SLC9A3: variants seen among roughly 807,000 people sequenced by gnomAD.
The protein encoded by SLC9A3 is solute carrier family 9 member A3.
Under a neutral mutation model 86.8 loss-of-function variants are expected in SLC9A3, and 37 were observed. The ratio of observed to expected loss-of-function variants is 0.43; its 90% CI spans 0.33 to 0.56. The LOEUF (loss-of-function observed/expected upper bound fraction) is 0.56. SLC9A3 is among the 20% of genes least tolerant of loss of function. The pLI is 0.06. For missense variants in SLC9A3, 1,011 were observed against 1,171.9 expected, an observed-to-expected ratio of 0.86 and a Z score of 2.00; for synonymous variants, 581 against 528.3, an observed-to-expected ratio of 1.10 and a Z score of -1.37.
intron 13 of SLC9A3, 43 bp from the exon 14 acceptor site, chr5:476,135 C>G (rs777608943): frequency 1.4e-4 from 228 of 1,611,950 alleles, no homozygotes; most frequent in Non-Finnish European, 1.8e-4. Flanking sequence ...GACACAGCCA[C>G]ACCCAGCCCT....
At chr5:500,463 CGGGCCGGTGTGGACAGG>C (rs1358816289) in intron 1 of SLC9A3, among the ~76,000 whole-genome samples, 4 of 151,652 alleles carry the variant, frequency 2.6e-5, no homozygotes, top group African/African-American at 4.8e-5. Context: ...AGAGGCCAGG[CGGGCCGGTGTGGACAGG>C]GGGCCGGTGT....
At position 482,159 on chromosome 5, in the gene SLC9A3, T is replaced by C. The variant is rs1213509981; in HGVS notation, c.1357-2A>G. The stretch of plus-strand genomic sequence containing the variant: ...CACCAGAGGCTTGATGGTCAGGCCC[T>C]GGAGGACAGGGTCTCGTGACCCTGG... On this transcript the variant is annotated splice_acceptor_variant, in intron 7 of 16. Transcript: ENST00000264938. LOFTEE classifies it high-confidence loss of function. 1 of 1,606,006 alleles carries C rather than the reference T, an allele frequency of 6.2e-7. No individual in the cohort carries two copies. The highest frequency in any genetic ancestry group is 8.5e-7 in the Non-Finnish European group (1 of 1,175,228).
chr5:524,261 C>T lies in SLC9A3; in HGVS notation c.62G>A (p.Gly21Glu). The change falls in exon 1 of 17, where the codon GGG (glycine) becomes GAG (glutamate). Residue 21 changes from glycine (G) to glutamate (E), a missense_variant. By Grantham distance (98) the Gly-to-Glu change is moderately conservative. Coordinates refer to ENST00000264938, the MANE Select transcript of SLC9A3 (RefSeq NM_004174.4). Reference sequence around the variant, plus strand: ...CTCGACGCCCCCGGCCCGCGCCAGCCCGCCCAGCGCCAGCGCCAGCAGCAG... The same window carrying T: ...CTCGACGCCCCCGGCCCGCGCCAGCTCGCCCAGCGCCAGCGCCAGCAGCAG... ...RGLLLALALG[G>E]LARAGGVEVE... The T allele has an allele frequency of 7.2e-7, 1 of 1,389,936 alleles. No individual in the cohort carries two copies. Among genetic ancestry groups the T allele is most frequent in the Non-Finnish European group, 9.4e-7 (1 of 1,069,468 alleles). 86.1% of individuals were successfully genotyped at this position (1,389,936 alleles called of 1,614,324 possible).
chr5:475,396 A>G lies in SLC9A3; in HGVS notation c.2251+165T>C, dbSNP rs1342966652. On this transcript the variant is annotated intron_variant, in intron 15 of 16. Transcript: ENST00000264938. ...ACGTCTCCCCGGACAGCAGCCTCCG[A>G]GTTGGTTGAGGGGGCACTCAGTGGG... is the stretch of plus-strand genomic sequence containing the variant. 6.4e-6 allele frequency: 4 copies of G among 620,210 alleles called. No individual in the cohort carries two copies. The East Asian group carries it at 8.2e-5, about 13-fold the overall frequency. The allele number at this position is 620,210 out of a possible 1,614,324, so 38.4% of individuals were successfully genotyped here.
rs1739144405 is a variant in SLC9A3 at position 481,223 on chromosome 5, T to C, written c.1517+342A>G. Among the ~76,000 whole-genome samples the C allele has an allele frequency of 2.0e-5, 3 of 152,250 alleles. 1 individual carries two copies. In the South Asian group the frequency reaches 6.2e-4, roughly 32 times the overall value. ...AATGTTGACTGATACTAACCCTGTT[T>C]ATGACGTGGAGGAAATAATCTATTT... is the stretch of plus-strand genomic sequence containing the variant. On this transcript the variant is annotated intron_variant, in intron 9 of 16. Coordinates refer to ENST00000264938, the MANE Select transcript of SLC9A3 (RefSeq NM_004174.4).
rs1230111211 is a variant in SLC9A3 at position 484,403 on chromosome 5, G to T, written c.932+117C>A. On this transcript the variant is annotated intron_variant, in intron 5 of 16. Transcript: ENST00000264938. ...GGCTCGCCCCGCCGGACCCAGGAGGGTGTGGAGAAGCTCGGGTTGGGGTCC... is the reference window on the plus strand; with the variant it reads ...GGCTCGCCCCGCCGGACCCAGGAGGTTGTGGAGAAGCTCGGGTTGGGGTCC... 9.9e-6 allele frequency: 6 copies of T among 604,136 alleles called. No individual in the cohort carries two copies. In the South Asian group the frequency reaches 1.1e-4, roughly 11 times the overall value. 37.4% of individuals were successfully genotyped at this position (604,136 alleles called of 1,614,324 possible).
chr5:523,824 G>T (rs1460649085), intron 1 of SLC9A3, among the ~76,000 whole-genome samples: 2 of 152,204 alleles, frequency 1.3e-5, no homozygotes, highest in Admixed American at 1.3e-4. Context: ...AGTCTGCGGG[G>T]CTCGGAGCGG....
intron 5 of SLC9A3, 152 bp from the exon 6 acceptor site, chr5:483,634 G>A (rs916743269): frequency 1.7e-5 from 11 of 653,230 alleles, no homozygotes; most frequent in South Asian, 5.3e-5. Flanking sequence ...AGGCTGGGCC[G>A]CCAGGGTTCC....
chr5:481,642 A>C lies in SLC9A3; in HGVS notation c.1447-7T>G. On this transcript the variant is annotated splice_region_variant and splice_polypyrimidine_tract_variant and intron_variant, in intron 8 of 16. Transcript: ENST00000264938. ...AGAGGATGTGGTCGAAAGCCTTTCA[A>C]GGGAAGAAAGACATGAGCGTCTCGG... is the stretch of plus-strand genomic sequence containing the variant. The C allele has an allele frequency of 6.2e-7, 1 of 1,613,152 alleles. No individual in the cohort carries two copies. Among genetic ancestry groups the C allele is most frequent in the South Asian group, 1.1e-5 (1 of 91,082 alleles).
chr5:483,582 A>G, intron 5 of SLC9A3, 100 bp from the exon 6 acceptor site: 1 of 853,756 alleles, frequency 1.2e-6, no homozygotes, highest in South Asian at 1.5e-5. Flanking sequence ...GTAGGCCCAG[A>G]GTCACAGTTG....
chr5:516,320 T>C (rs1229591521), intron 1 of SLC9A3, among the ~76,000 whole-genome samples: 1 of 152,046 alleles, frequency 6.6e-6, no homozygotes, highest in Non-Finnish European at 1.5e-5. Flanking sequence ...AATATTAAAC[T>C]GGAGAGAGCT....
chr5:510,294 GT>G (rs1314922995), intron 1 of SLC9A3, among the ~76,000 whole-genome samples: 1 of 152,196 alleles, frequency 6.6e-6, no homozygotes, highest in Non-Finnish European at 1.5e-5. Flanking sequence ...GCTCTAAGGT[GT>G]TCGTGTGGGA....
rs1738501965 is a variant in SLC9A3 at position 473,293 on chromosome 5, G to C, written c.*86C>G. Reference sequence around the variant, plus strand: ...GGTCGCTGTAGCCGCGCGGGGATCTGGGGTTTCTCTGGGACAGCGGCGGCG... The same window carrying C: ...GGTCGCTGTAGCCGCGCGGGGATCTCGGGTTTCTCTGGGACAGCGGCGGCG... On this transcript the variant is annotated 3_prime_UTR_variant, in exon 17 of 17. Coordinates refer to ENST00000264938, the MANE Select transcript of SLC9A3 (RefSeq NM_004174.4). The C allele has an allele frequency of 7.6e-7, 1 of 1,315,024 alleles. No individual in the cohort carries two copies. 81.5% of individuals were successfully genotyped at this position (1,315,024 alleles called of 1,614,324 possible).
chr5:507,152 T>C (rs946566865), intron 1 of SLC9A3, among the ~76,000 whole-genome samples: 4 of 143,718 alleles, frequency 2.8e-5, no homozygotes, highest in Non-Finnish European at 4.5e-5. Flanking sequence ...GAAGGAGGGA[T>C]CCGGCTGCTG....
intron 1 of SLC9A3, among the ~76,000 whole-genome samples, chr5:495,028 G>A (rs1048210877): frequency 6.6e-6 from 1 of 152,120 alleles, no homozygotes; most frequent in African/African-American, 2.4e-5. Context: ...GCCCCTCGGT[G>A]CCCGCCGGCA....
chr5:471,441 G>A lies in SLC9A3; in HGVS notation c.*1938C>T, dbSNP rs780245859. On this transcript the variant is annotated 3_prime_UTR_variant, in exon 17 of 17. Coordinates refer to ENST00000264938, the MANE Select transcript of SLC9A3 (RefSeq NM_004174.4). ...CCCAGGCACAGACAGGCACTTGGAA[G>A]GCAGCTTTGCTCCTCTGGCCACCCG... 1 of 324,158 alleles carries A rather than the reference G, an allele frequency of 3.1e-6. No homozygotes were observed. The highest frequency in any genetic ancestry group is 6.1e-6 in the Non-Finnish European group (1 of 165,260). 20.1% of individuals were successfully genotyped at this position (324,158 alleles called of 1,614,324 possible). A position where few individuals can be genotyped will look rare whatever the true frequency, so the allele number is the denominator to read the frequency against.
At chr5:492,854 G>GCCCC (rs1240639179) in intron 1 of SLC9A3, among the ~76,000 whole-genome samples, 19 of 152,098 alleles carry the variant, frequency 1.2e-4, no homozygotes, top group Admixed American at 9.2e-4. Flanking sequence ...GGAGGCTGTG[G>GCCCC]CCCCCTCTCC....
intron 1 of SLC9A3, among the ~76,000 whole-genome samples, chr5:517,287 A>T (rs1035330560): frequency 1.3e-5 from 2 of 150,022 alleles, no homozygotes; most frequent in African/African-American, 4.9e-5. Flanking sequence ...TCACTCATCC[A>T]CCTATCCACT....
At position 475,051 on chromosome 5, in the gene SLC9A3, C is replaced by G. The variant is rs775354904; in HGVS notation, c.2333G>C (p.Gly778Ala). The change falls in exon 16 of 17, where the codon GGG (glycine) becomes GCG (alanine). Residue 778 changes from glycine (G) to alanine (A), a missense_variant. Gly to Ala is a moderately conservative substitution (Grantham distance 60). Around this residue, in one of 3 missense-constraint regions of SLC9A3, gnomAD observed 397 missense variants for 346.3 expected, o/e 1.15. Transcript: ENST00000264938. ...LARLPPWLSP[G>A]ETVVPSQRAR... is the part of the protein sequence containing the mutation. The stretch of plus-strand genomic sequence containing the variant: ...CCTCTGCGAGGGGACCACCGTCTCC[C>G]CGGGAGACAGCCAGGGCGGCAGCCT... The G allele has an allele frequency of 1.3e-5, 21 of 1,612,136 alleles. No homozygotes were observed. Among genetic ancestry groups the G allele is most frequent in the Admixed American group, 1.2e-4 (7 of 59,968 alleles).
Sources: allele counts gnomAD v4.1 joint callset (sites outside exome capture counted in the v4.1 genomes callset), GRCh38; gene constraint gnomAD v4.1.1; regional missense constraint gnomAD v4.1.1; transcripts MANE v1.5; gene names NCBI Gene and HGNC (gene_info 2026-07-23, HGNC 2026-07-21).